Variants in ZNF248 observed in about 807,000 individuals in gnomAD.
The protein encoded by ZNF248 is zinc finger protein 248.
Under a neutral mutation model 44.3 loss-of-function variants are expected in ZNF248, and 20 were observed. The ratio of observed to expected loss-of-function variants is 0.45; its 90% confidence interval spans 0.32 to 0.66. ZNF248 has a LOEUF of 0.66. Ranked by LOEUF, ZNF248 falls within the 30% of genes least tolerant of loss-of-function variation. ZNF248 has a pLI of 0.04. For missense variants in ZNF248, 654 were observed against 677.0 expected, an observed-to-expected ratio of 0.97 and a Z score of 0.38; for synonymous variants, 224 against 229.0, an observed-to-expected ratio of 0.98 and a Z score of 0.20.
intron 6 of ZNF248, among the ~76,000 whole-genome samples, chr10:37,780,991 C>G (rs537286444): frequency 2.0e-4 from 31 of 151,254 alleles, no homozygotes; most frequent in African/African-American, 7.6e-4. Context: ...CGTTTTTGTT[C>G]GGGACCATTC....
chr10:37,838,101 G>T lies in ZNF248; in HGVS notation c.26C>A (p.Ser9Ter). The change falls in exon 4 of 6, where the codon TCA becomes TAA. Residue 9 changes from serine (S) to a stop codon, truncating the protein, a stop_gained. Coordinates refer to ENST00000395867, the MANE Select transcript of ZNF248 (RefSeq NM_021045.3). LOFTEE classifies it high-confidence loss of function. Reference protein sequence around the residue: MNKSQEQVSFKDVCVDFTQ... With the variant: MNKSQEQV The stretch of plus-strand genomic sequence containing the variant: ...GAAGTCCACACATACATCCTTGAAT[G>T]ACACTTGTTCCTGTAATAGTATACT... 1.2e-6 allele frequency: 2 copies of T among 1,612,524 alleles called. No homozygotes were observed. The highest frequency in any genetic ancestry group is 2.2e-5 in the South Asian group (2 of 90,924).
intron 6 of ZNF248, among the ~76,000 whole-genome samples, chr10:37,780,727 GC>G (rs1018192998): frequency 2.0e-5 from 3 of 152,012 alleles, no homozygotes; most frequent in African/African-American, 7.2e-5. Context: ...GCCCAAACTT[GC>G]GATCCCCGGC....
intron 3 of ZNF248, among the ~76,000 whole-genome samples, chr10:37,852,337 A>C (rs1735610): frequency 0.06 from 9,099 of 152,240 alleles, 348 homozygotes; most frequent in Middle Eastern, 0.095. Context: ...AACCCGGATG[A>C]AACACCAGGG....
chr10:37,851,845 G>A (rs1044840906), intron 3 of ZNF248, among the ~76,000 whole-genome samples: 17 of 149,616 alleles, frequency 1.1e-4, no homozygotes, highest in Admixed American at 6.7e-4. Flanking sequence ...TGGATCATGC[G>A]TACAGTGGCT....
At chr10:37,783,092 A>G (rs890707646) in intron 6 of ZNF248, among the ~76,000 whole-genome samples, 2 of 152,152 alleles carry the variant, frequency 1.3e-5, no homozygotes, top group African/African-American at 4.8e-5. Flanking sequence ...TGGGTATGGC[A>G]CAATTCCTAT....
At chr10:37,771,588 C>A (rs2046230742), downstream of ZNF248, among the ~76,000 whole-genome samples, 1 of 137,596 alleles carries the variant, frequency 7.3e-6, no homozygotes, top group African/African-American at 2.8e-5. Context: ...AACACATGGA[C>A]ACAGGAAGGA....
chr10:37,762,296 C>A, the ZNF248 span, among the ~76,000 whole-genome samples: 45 of 152,288 alleles, frequency 3.0e-4, no homozygotes, highest in Admixed American at 5.2e-4. Flanking sequence ...TGGTCAAGTA[C>A]TTTACTAAAT....
At chr10:37,853,101 C>A (rs997054086) in intron 3 of ZNF248, among the ~76,000 whole-genome samples, 7 of 151,386 alleles carry the variant, frequency 4.6e-5, no homozygotes, top group African/African-American at 1.4e-4. Flanking sequence ...GCCTTGGCCT[C>A]CCAAAGTGCT....
chr10:37,770,126 A>T, the ZNF248 span, among the ~76,000 whole-genome samples: 2 of 152,184 alleles, frequency 1.3e-5, no homozygotes, highest in South Asian at 2.1e-4. Flanking sequence ...ATAAAAGAGG[A>T]TACAAACAAA....
chr10:37,854,529 CT>C (rs1290435570), intron 3 of ZNF248, among the ~76,000 whole-genome samples: 4 of 152,348 alleles, frequency 2.6e-5, no homozygotes, highest in Admixed American at 6.5e-5. Context: ...TGAAATACCA[CT>C]TTTTACCTAT....
downstream of ZNF248, among the ~76,000 whole-genome samples, chr10:37,826,107 A>C (rs897631881): frequency 6.6e-6 from 1 of 152,204 alleles, no homozygotes; most frequent in African/African-American, 2.4e-5. Flanking sequence ...AAGGGTAGAA[A>C]AACTAACATG....
Position 37,829,972 on chromosome 10 carries a change from G to A in ZNF248, c.*1643C>T. ...CTCAGCAAGGATGAAGTAGGGAATGGCCATCATGTGGGCAGTGTCTCTTAG... is the reference window on the plus strand; with the variant it reads ...CTCAGCAAGGATGAAGTAGGGAATGACCATCATGTGGGCAGTGTCTCTTAG... On this transcript the variant is annotated 3_prime_UTR_variant, in exon 6 of 6. Coordinates refer to ENST00000395867, the MANE Select transcript of ZNF248 (RefSeq NM_021045.3). 2.0e-6 allele frequency: 2 copies of A among 985,386 alleles called. No homozygotes were observed. Among genetic ancestry groups the A allele is most frequent in the South Asian group, 4.7e-5 (1 of 21,286 alleles). 61.0% of individuals were successfully genotyped at this position (985,386 alleles called of 1,614,324 possible).
At chr10:37,839,788 T>C (rs1468254054) in intron 3 of ZNF248, among the ~76,000 whole-genome samples, 1 of 152,138 alleles carries the variant, frequency 6.6e-6, no homozygotes, top group Non-Finnish European at 1.5e-5. Context: ...AGTAGGTACA[T>C]ATATGACCCA....
At chr10:37,769,451 T>C in the ZNF248 span, among the ~76,000 whole-genome samples, 1 of 152,204 alleles carries the variant, frequency 6.6e-6, no homozygotes, top group Non-Finnish European at 1.5e-5. Flanking sequence ...ATCCCTGGAA[T>C]GCAAGGCTGG....
downstream of ZNF248, among the ~76,000 whole-genome samples, chr10:37,773,090 A>G (rs2046330508): frequency 6.6e-6 from 1 of 152,158 alleles, no homozygotes; most frequent in Non-Finnish European, 1.5e-5. Context: ...CTACTAAAAT[A>G]CAAAAATTAG....
At chr10:37,819,231 C>G in intron 6 of ZNF248, 1 of 839,944 alleles carries the variant, frequency 1.2e-6, no homozygotes, top group Non-Finnish European at 2.1e-6. Flanking sequence ...GCCTCTTTCT[C>G]TGACATTAAT....
chr10:37,767,019 T>A, the ZNF248 span, among the ~76,000 whole-genome samples: 1 of 151,978 alleles, frequency 6.6e-6, no homozygotes, highest in South Asian at 2.1e-4. Context: ...GAAGAAAGGG[T>A]ATCAGTGATG....
chr10:37,793,108 C>A (rs1038049957), intron 6 of ZNF248, among the ~76,000 whole-genome samples: 1 of 151,920 alleles, frequency 6.6e-6, no homozygotes, highest in Non-Finnish European at 1.5e-5. Flanking sequence ...CTGCGGCAGG[C>A]GGATCACAAG....
At chr10:37,857,791 C>G (rs531766254), upstream of ZNF248, 2 of 152,590 alleles carry the variant, frequency 1.3e-5, no homozygotes, top group East Asian at 3.9e-4. Flanking sequence ...TCGCTGAGCG[C>G]CAGGCGCAGG....
Sources: allele counts gnomAD v4.1 joint callset (sites outside exome capture counted in the v4.1 genomes callset), GRCh38; gene constraint gnomAD v4.1.1; transcripts MANE v1.5; gene names NCBI Gene and HGNC (gene_info 2026-07-23, HGNC 2026-07-21).